The following APC variants were observed in gnomAD, a reference collection of about 807,000 sequenced individuals.
APC encodes adenomatous polyposis coli protein.
APC carries 72 observed loss-of-function variants against 247.0 expected under a neutral mutation model. The observed-to-expected ratio is 0.29, with a 90% confidence interval of 0.24 to 0.35. The LOEUF (loss-of-function observed/expected upper bound fraction) is 0.35, where lower values mean the gene tolerates loss of function less well. APC is among the 10% of genes least tolerant of loss of function. The pLI, the probability that APC is intolerant of heterozygous loss-of-function variation, is 1.00. For missense variants in APC, 3,400 were observed against 3,360.7 expected, an observed-to-expected ratio of 1.01 and a Z score of -0.29; for synonymous variants, 1,254 against 1,162.5, an observed-to-expected ratio of 1.08 and a Z score of -1.60.
intron 10 of APC, among the ~76,000 whole-genome samples, chr5:112,820,925 G>T (rs116506255): frequency 6.6e-6 from 1 of 151,856 alleles, no homozygotes. Flanking sequence ...GCAGTGGTGC[G>T]ATCACAGTTC....
intron 13 of APC, 87 bp from the exon 14 acceptor site, chr5:112,828,769 T>C: frequency 1.1e-6 from 1 of 935,484 alleles, no homozygotes; most frequent in Non-Finnish European, 1.7e-6. Context: ...TCTTAATAGA[T>C]TTCTATTCTT....
chr5:112,770,595 C>A (rs1271859930), intron 4 of APC, among the ~76,000 whole-genome samples: 1 of 152,094 alleles, frequency 6.6e-6, no homozygotes, highest in Non-Finnish European at 1.5e-5. Context: ...TCTCAACTCT[C>A]ACTGATCATT....
chr5:112,712,897 G>A (rs1214342220), intron 1 of APC, among the ~76,000 whole-genome samples: 1 of 152,136 alleles, frequency 6.6e-6, no homozygotes, highest in African/African-American at 2.4e-5. Flanking sequence ...CGGGCTAGGC[G>A]CTGTGGCTCA....
At chr5:112,836,166 C>CCCT (rs1561571519) in intron 15 of APC, among the ~76,000 whole-genome samples, 1 of 5,856 alleles carries the variant, frequency 1.7e-4, no homozygotes, top group African/African-American at 4.3e-4. Context: ...GATTACAGGT[C>CCCT]CCCCCCCCCC....
At chr5:112,778,042 T>G in intron 5 of APC, 1 of 205,380 alleles carries the variant, frequency 4.9e-6, no homozygotes, top group East Asian at 1.3e-4. Context: ...CCCTTCCGCT[T>G]AAGGAAATAT....
chr5:112,829,576 AT>A (rs921244349), intron 14 of APC: 15 of 153,902 alleles, frequency 9.7e-5, no homozygotes, highest in African/African-American at 3.6e-4. Flanking sequence ...CACTATAGAC[AT>A]TTTTGACCAG....
At chr5:112,771,351 G>C (rs139874529) in intron 4 of APC, among the ~76,000 whole-genome samples, 1 of 152,068 alleles carries the variant, frequency 6.6e-6, no homozygotes, top group East Asian at 1.9e-4. Context: ...GAATTTTTCT[G>C]ATCTAATTTG....
intron 1 of APC, among the ~76,000 whole-genome samples, chr5:112,728,447 T>TGG (rs1378767553): frequency 1.3e-5 from 2 of 152,170 alleles, no homozygotes; most frequent in Non-Finnish European, 2.9e-5. Flanking sequence ...ATTTTATATG[T>TGG]GGCTCAAGAC....
chr5:112,823,168 A>G (rs1763312527), intron 11 of APC: 1 of 152,694 alleles, frequency 6.5e-6, no homozygotes, highest in African/African-American at 2.4e-5. Flanking sequence ...ACAGGAAAAC[A>G]TTCAGTTTTA....
chr5:112,789,843 G>A (rs929419216), intron 6 of APC, among the ~76,000 whole-genome samples: 5 of 150,806 alleles, frequency 3.3e-5, no homozygotes, highest in African/African-American at 7.3e-5. Context: ...GGTAAGATTT[G>A]TTACTTAAAG....
chr5:112,843,524 AT>A lies in APC; in HGVS notation c.7933del (p.Tyr2645IlefsTer15), dbSNP rs2149996501. 2 of 1,613,764 alleles carry A rather than the reference AT, an allele frequency of 1.2e-6. No individual in the cohort carries two copies. The highest frequency in any genetic ancestry group is 8.5e-7 in the Non-Finnish European group (1 of 1,179,712). On this transcript the variant is annotated frameshift_variant, in exon 16 of 16. Coordinates refer to ENST00000257430, the MANE Select transcript of APC (RefSeq NM_000038.6). LOFTEE classifies it high-confidence loss of function. The surrounding 1 kb of genome is among the most constrained non-coding windows in gnomAD (Gnocchi z 4.8). The part of the protein sequence containing the change: ...ATNGAESKTL[I>X]YQMAPAVSKT... Reference sequence around the variant, plus strand: ...AAATGGTGCTGAATCAAAGACTCTAATTTATCAAATGGCACCTGCTGTTTCT... The same window carrying A: ...AAATGGTGCTGAATCAAAGACTCTAATTATCAAATGGCACCTGCTGTTTCT...
intron 1 of APC, among the ~76,000 whole-genome samples, chr5:112,710,484 C>G (rs1465501422): frequency 2.0e-5 from 3 of 152,128 alleles, no homozygotes; most frequent in Non-Finnish European, 4.4e-5. Flanking sequence ...TGTACCCTTT[C>G]CCATCTTTCT....
At chr5:112,821,633 C>G (rs1212929863) in intron 10 of APC, among the ~76,000 whole-genome samples, 3 of 152,010 alleles carry the variant, frequency 2.0e-5, no homozygotes. Context: ...TGAGTAATAG[C>G]ATAAACCTCC....
rs876659135 is a variant in APC, at chr5:112,843,123, A to G, written c.7529A>G (p.Asn2510Ser). 3 of 1,613,880 alleles carry G rather than the reference A, an allele frequency of 1.9e-6. No homozygotes were observed. The highest frequency in any genetic ancestry group is 2.5e-6 in the Non-Finnish European group (3 of 1,179,912). The change falls in exon 16 of 16, where the codon AAT (asparagine) becomes AGT (serine). Residue 2510 changes from asparagine (N) to serine (S), a missense_variant. Transcript: ENST00000257430. The surrounding 1 kb of genome is among the most constrained non-coding windows in gnomAD (Gnocchi z 4.8). ...GGTGGATGGCGAAAACTCCCACCTA[A>G]TCTCAGTCCCACTATAGAGTATAAT... The part of the protein sequence containing the change: ...QAGGWRKLPP[N>S]LSPTIEYNDG...
In APC at chr5:112,814,928, A is replaced by G. The variant is rs76124569; in HGVS notation, c.835-567A>G. 3.9e-5 allele frequency among the ~76,000 whole-genome samples: 6 copies of G among 152,312 alleles called. No homozygotes were observed. The East Asian group carries it at 1.2e-3, about 29-fold the overall frequency. On this transcript the variant is annotated intron_variant, in intron 8 of 15. Transcript: ENST00000257430. Reference sequence around the variant, plus strand: ...ATGTTACTGATTTTATACAGCCTCTAATAGTCCCTATGCAGTAATTTCTTT... The same window carrying G: ...ATGTTACTGATTTTATACAGCCTCTGATAGTCCCTATGCAGTAATTTCTTT...
At chr5:112,718,297 T>C (rs1751294047) in intron 1 of APC, among the ~76,000 whole-genome samples, 1 of 152,184 alleles carries the variant, frequency 6.6e-6, no homozygotes, top group South Asian at 2.1e-4. Context: ...TTAATCTTTC[T>C]CTAAAGAAGG....
intron 1 of APC, among the ~76,000 whole-genome samples, chr5:112,727,400 CT>C (rs1751848837): frequency 6.6e-6 from 1 of 152,170 alleles, no homozygotes; most frequent in Non-Finnish European, 1.5e-5. Context: ...TATATTTTCT[CT>C]TTCAAGGTAA....
At chr5:112,811,672 A>G (rs1224358177) in intron 8 of APC, among the ~76,000 whole-genome samples, 4 of 152,358 alleles carry the variant, frequency 2.6e-5, no homozygotes, top group African/African-American at 9.6e-5. Context: ...AATGTCAGAA[A>G]CATGTTTTAT....
At position 112,840,079 on chromosome 5, in the gene APC, T is replaced by G. The variant is rs1765692816; in HGVS notation, c.4485T>G (p.Ser1495Arg). The G allele has an allele frequency of 6.2e-7, 1 of 1,614,048 alleles. No homozygotes were observed. Among genetic ancestry groups the G allele is most frequent in the African/African-American group, 1.3e-5 (1 of 74,918 alleles). ...ADTLLHFATESTPDGFSCSSS... is the reference protein window; with the variant it reads ...ADTLLHFATERTPDGFSCSSS... ...CTTTATTACATTTTGCCACGGAAAG[T>G]ACTCCAGATGGATTTTCTTGTTCAT... Residue 1495 changes from serine (S) to arginine (R), a missense_variant, in exon 16 of 16, where the codon AGT (serine) becomes AGG (arginine). Physicochemically the swap from Ser to Arg is moderately radical, Grantham distance 110. Transcript: ENST00000257430. This position sits in a 1 kb window ranked among gnomAD's most constrained non-coding sequence, Gnocchi z 4.1.
Sources: allele counts gnomAD v4.1 joint callset (sites outside exome capture counted in the v4.1 genomes callset), GRCh38; gene constraint gnomAD v4.1.1; non-coding constraint Gnocchi (gnomAD v3.1); transcripts MANE v1.5; gene names NCBI Gene and HGNC (gene_info 2026-07-23, HGNC 2026-07-21).